Variants in TRAF3IP1 observed in about 807,000 individuals in gnomAD.
TRAF3IP1 encodes the protein intraflagellar transport 54.
A neutral mutation model predicts 89.9 loss-of-function variants in TRAF3IP1; 53 were observed. The observed-to-expected ratio is 0.59, with a 90% confidence interval of 0.47 to 0.74. The LOEUF is 0.74. Ranked by LOEUF, TRAF3IP1 falls within the 30% of genes least tolerant of loss-of-function variation. The probability of loss-of-function intolerance (pLI) is 0.00; values close to 1 mark genes in which losing one functional copy is unlikely to be tolerated. For synonymous variants in TRAF3IP1, 311 were observed against 322.1 expected (o/e 0.97, Z 0.37); for missense variants, 806 against 866.1 (o/e 0.93, Z 0.87).
chr2:238,351,715 G>A lies in TRAF3IP1; in HGVS notation c.1452-1112G>A, dbSNP rs1699161492. Among the ~76,000 whole-genome samples, 1 of 152,154 alleles carries A rather than the reference G, an allele frequency of 6.6e-6. No individual in the cohort carries two copies. Among genetic ancestry groups the A allele is most frequent in the Non-Finnish European group, 1.5e-5 (1 of 68,026 alleles). On this transcript the variant is annotated intron_variant, in intron 12 of 16. Coordinates refer to ENST00000373327, the MANE Select transcript of TRAF3IP1 (RefSeq NM_015650.4). This position sits in a 1 kb window ranked among gnomAD's most constrained non-coding sequence, Gnocchi z 5.2. The stretch of plus-strand genomic sequence containing the variant: ...CACAGGTGGTTGTTGAGTGTCTCAA[G>A]GACCCAGTTGAGGAAGTCGAGGATG...
chr2:238,375,585 G>C (rs904620440), intron 15 of TRAF3IP1, among the ~76,000 whole-genome samples: 8 of 152,194 alleles, frequency 5.3e-5, no homozygotes, highest in Admixed American at 3.9e-4. Flanking sequence ...GCGATGTGGT[G>C]CTGAGAAGAA....
chr2:238,322,739 T>C (rs1697617501), intron 1 of TRAF3IP1, among the ~76,000 whole-genome samples: 1 of 130,768 alleles, frequency 7.6e-6, no homozygotes, highest in African/African-American at 2.9e-5. Flanking sequence ...GCCAGGTAGA[T>C]AGGGTGTGTG....
chr2:238,323,386 C>G (rs1412238873), intron 1 of TRAF3IP1, among the ~76,000 whole-genome samples: 1 of 152,174 alleles, frequency 6.6e-6, no homozygotes, highest in Non-Finnish European at 1.5e-5. Flanking sequence ...GCCTATTGCT[C>G]ACAATTTTAA....
chr2:238,331,771 T>C (rs751083602), intron 5 of TRAF3IP1, among the ~76,000 whole-genome samples: 1 of 152,202 alleles, frequency 6.6e-6, no homozygotes, highest in Non-Finnish European at 1.5e-5. Context: ...TGTGAGCTGC[T>C]GTGAGGCGCC....
chr2:238,320,917 G>T, intron 1 of TRAF3IP1, 132 bp downstream of exon 1: 1 of 757,720 alleles, frequency 1.3e-6, no homozygotes, highest in South Asian at 6.2e-5. Flanking sequence ...GCCGGGGCTG[G>T]GCCGGAGTCG....
chr2:238,370,836 G>A (rs974125422), intron 15 of TRAF3IP1, among the ~76,000 whole-genome samples: 22 of 152,192 alleles, frequency 1.4e-4, no homozygotes, highest in African/African-American at 5.3e-4. Flanking sequence ...GGGAATGAAT[G>A]ATAAAATGTG....
chr2:238,375,583 G>T (rs1041762311), intron 15 of TRAF3IP1, among the ~76,000 whole-genome samples: 1 of 152,186 alleles, frequency 6.6e-6, no homozygotes, highest in African/African-American at 2.4e-5. Flanking sequence ...GTGCGATGTG[G>T]TGCTGAGAAG....
At position 238,345,313 on chromosome 2, in the gene TRAF3IP1, A is replaced by G. The variant is rs1464997526; in HGVS notation, c.1261+715A>G. On this transcript the variant is annotated intron_variant, in intron 9 of 16. Transcript: ENST00000373327. This position sits in a 1 kb window ranked among gnomAD's most constrained non-coding sequence, Gnocchi z 4.7. Reference sequence around the variant, plus strand: ...GCCTCCTGCCTTCCTGGTGCAGATGAGGCTCGAAGATCAACCGAAATCGTT... The same window carrying G: ...GCCTCCTGCCTTCCTGGTGCAGATGGGGCTCGAAGATCAACCGAAATCGTT... Among the ~76,000 whole-genome samples the G allele has an allele frequency of 6.6e-6, 1 of 152,210 alleles. No homozygotes were observed. The highest frequency in any genetic ancestry group is 2.4e-5 in the African/African-American group (1 of 41,460).
At chr2:238,389,872 A>C (rs1427550182) in intron 15 of TRAF3IP1, among the ~76,000 whole-genome samples, 1 of 152,164 alleles carries the variant, frequency 6.6e-6, no homozygotes, top group Admixed American at 6.5e-5. Flanking sequence ...AATAACTATA[A>C]ATTTAAAAAT....
At chr2:238,334,489 C>A (rs771564538) in intron 7 of TRAF3IP1, among the ~76,000 whole-genome samples, 2 of 151,532 alleles carry the variant, frequency 1.3e-5, no homozygotes, top group Admixed American at 6.6e-5. Flanking sequence ...ACAGGCCTGG[C>A]CTGCGGTCCG....
At chr2:238,325,501 G>A (rs1386168971) in intron 2 of TRAF3IP1, 127 bp downstream of exon 2, 9 of 932,508 alleles carry the variant, frequency 9.7e-6, no homozygotes, top group African/African-American at 4.9e-5. Flanking sequence ...CAGTGAATTC[G>A]TAAATTGATA....
At chr2:238,331,728 C>T (rs1343383032) in intron 5 of TRAF3IP1, among the ~76,000 whole-genome samples, 5 of 152,144 alleles carry the variant, frequency 3.3e-5, no homozygotes, top group Admixed American at 3.3e-4. Context: ...GAGGCAGCTG[C>T]GTCCTTTCCT....
chr2:238,373,022 C>G (rs1700173019), intron 15 of TRAF3IP1, among the ~76,000 whole-genome samples: 1 of 152,114 alleles, frequency 6.6e-6, no homozygotes, highest in Non-Finnish European at 1.5e-5. Context: ...TTTGTAGATT[C>G]TGGATATTAG....
chr2:238,333,821 ATTGAGTTT>A (rs1698245493), intron 6 of TRAF3IP1, 131 bp from the exon 7 acceptor site: 1 of 675,690 alleles, frequency 1.5e-6, no homozygotes, highest in Middle Eastern at 4.1e-4. Context: ...CCTTAGTAGT[ATTGAGTTT>A]TTAAAGCATA....
At chr2:238,348,955 A>G in intron 11 of TRAF3IP1, 107 bp downstream of exon 11, 1 of 938,440 alleles carries the variant, frequency 1.1e-6, no homozygotes, top group South Asian at 1.5e-5. Flanking sequence ...GAGCTAACTT[A>G]TGAGGAATTA....
At chr2:238,325,717 CAG>C (rs780140317) in intron 2 of TRAF3IP1, 90 bp from the exon 3 acceptor site, 43 of 1,286,842 alleles carry the variant, frequency 3.3e-5, no homozygotes, top group East Asian at 1.2e-4. Context: ...TGTATGTAAA[CAG>C]AAACTATCCT....
chr2:238,396,120 G>A (rs1305652962), intron 15 of TRAF3IP1, among the ~76,000 whole-genome samples: 1 of 152,032 alleles, frequency 6.6e-6, no homozygotes, highest in Non-Finnish European at 1.5e-5. Flanking sequence ...CAAAGACTTG[G>A]AACCAACCCA....
intron 7 of TRAF3IP1, among the ~76,000 whole-genome samples, chr2:238,336,300 G>A (rs143783890): frequency 2.0e-4 from 30 of 152,244 alleles, no homozygotes; most frequent in African/African-American, 7.0e-4. Context: ...GCTTCCCTGA[G>A]CTATCAACAG....
chr2:238,332,253 C>T (rs1698161563), intron 5 of TRAF3IP1, among the ~76,000 whole-genome samples: 1 of 152,194 alleles, frequency 6.6e-6, no homozygotes, highest in Non-Finnish European at 1.5e-5. Flanking sequence ...ACTCCTTCTA[C>T]TCTGAGATAT....
Sources: gnomAD v4.1 joint callset for allele counts (sites outside exome capture counted in the v4.1 genomes callset) on GRCh38, gnomAD v4.1.1 for gene constraint, Gnocchi (gnomAD v3.1) non-coding constraint, MANE v1.5 for transcripts, NCBI Gene and HGNC (gene_info 2026-07-23, HGNC 2026-07-21) for gene names.